The following SNTG1 variants were observed in gnomAD, a reference collection of about 807,000 sequenced individuals.
SNTG1 encodes the protein gamma-1-syntrophin.
In SNTG1, 39 loss-of-function variants were observed where a neutral mutation model predicts 74.7. That is an observed-to-expected ratio of 0.52 (90% CI 0.40 to 0.68). SNTG1 has a LOEUF of 0.68. SNTG1 is among the 30% of genes least tolerant of loss of function. The pLI is 0.00. For missense variants in SNTG1, 685 were observed against 609.5 expected (o/e 1.12, Z -1.30); for synonymous variants, 254 against 217.1 (o/e 1.17, Z -1.49).
intron 13 of SNTG1, among the ~76,000 whole-genome samples, chr8:50,656,187 G>C (rs2095179484): frequency 6.6e-6 from 1 of 152,116 alleles, no homozygotes; most frequent in Non-Finnish European, 1.5e-5. Flanking sequence ...TGAATATGTT[G>C]TTAGAAATGT....
intron 2 of SNTG1, among the ~76,000 whole-genome samples, chr8:50,262,887 A>G (rs2130130071): frequency 6.6e-6 from 1 of 152,364 alleles, no homozygotes; most frequent in East Asian, 1.9e-4. Flanking sequence ...TCTGGAGAAG[A>G]CAGAACTGTA....
chr8:50,356,421 A>G (rs1455152331), intron 2 of SNTG1, among the ~76,000 whole-genome samples: 1 of 152,188 alleles, frequency 6.6e-6, no homozygotes, highest in Non-Finnish European at 1.5e-5. Context: ...AATAAATGGC[A>G]GTGTTCTATT....
At chr8:50,168,014 A>T (rs2082686029) in intron 1 of SNTG1, among the ~76,000 whole-genome samples, 1 of 152,136 alleles carries the variant, frequency 6.6e-6, no homozygotes, top group South Asian at 2.1e-4. Flanking sequence ...ATTTTAACTT[A>T]TAATTTGATG....
chr8:50,333,434 A>G (rs947929049), intron 2 of SNTG1, among the ~76,000 whole-genome samples: 1 of 152,234 alleles, frequency 6.6e-6, no homozygotes, highest in African/African-American at 2.4e-5. Flanking sequence ...CTCATTTATT[A>G]GCCACAATTT....
chr8:50,369,069 A>T (rs993225840), intron 2 of SNTG1, among the ~76,000 whole-genome samples: 2 of 152,150 alleles, frequency 1.3e-5, no homozygotes, highest in African/African-American at 4.8e-5. Flanking sequence ...TAAGTTAAGA[A>T]TTTGGGGGCT....
At chr8:50,690,965 G>T (rs1388179327) in intron 15 of SNTG1, among the ~76,000 whole-genome samples, 1 of 152,146 alleles carries the variant, frequency 6.6e-6, no homozygotes, top group Non-Finnish European at 1.5e-5. Flanking sequence ...AGGATAGTTA[G>T]CTCTTCTTGT....
At chr8:50,208,177 C>T (rs1180073676) in intron 2 of SNTG1, among the ~76,000 whole-genome samples, 4 of 152,126 alleles carry the variant, frequency 2.6e-5, no homozygotes, top group Non-Finnish European at 5.9e-5. Flanking sequence ...GTTAAAGTCT[C>T]CCATTATTAT....
intron 18 of SNTG1, among the ~76,000 whole-genome samples, chr8:50,785,279 T>C (rs948518530): frequency 6.6e-6 from 1 of 151,198 alleles, no homozygotes; most frequent in Non-Finnish European, 1.5e-5. Flanking sequence ...TTAACAAGAG[T>C]GACAAAACTT....
chr8:50,736,881 C>A (rs190997829), intron 17 of SNTG1, among the ~76,000 whole-genome samples: 122 of 151,994 alleles, frequency 8.0e-4, no homozygotes, highest in Non-Finnish European at 6.2e-4. Flanking sequence ...AAAGACACAA[C>A]GTACCGGAAT....
chr8:50,587,781 G>C lies in SNTG1; in HGVS notation c.811-3098G>C, dbSNP rs1479364030. Among the ~76,000 whole-genome samples, 6 of 148,680 alleles carry C rather than the reference G, an allele frequency of 4.0e-5. No individual in the cohort carries two copies. The East Asian group carries it at 1.2e-3, about 30-fold the overall frequency. On this transcript the variant is annotated intron_variant, in intron 12 of 18. Transcript: ENST00000642720. ...CGGAGATTGCCAGCCTGGGGGACGAGAGTGAGACTTCGTCTCAAAAAAAAA... is the reference window on the plus strand; with the variant it reads ...CGGAGATTGCCAGCCTGGGGGACGACAGTGAGACTTCGTCTCAAAAAAAAA...
At chr8:50,734,815 A>C (rs1175062903) in intron 17 of SNTG1, among the ~76,000 whole-genome samples, 3 of 94,330 alleles carry the variant, frequency 3.2e-5, no homozygotes, top group Non-Finnish European at 6.2e-5. Flanking sequence ...ATAGATATCT[A>C]TATATATGGA....
At chr8:50,267,613 A>T (rs1339483425) in intron 2 of SNTG1, among the ~76,000 whole-genome samples, 2 of 152,180 alleles carry the variant, frequency 1.3e-5, no homozygotes, top group African/African-American at 4.8e-5. Flanking sequence ...TCCTCAAAAT[A>T]TCAAGTTCCC....
chr8:50,386,606 T>C (rs1254807150), intron 2 of SNTG1, among the ~76,000 whole-genome samples: 1 of 152,122 alleles, frequency 6.6e-6, no homozygotes, highest in Non-Finnish European at 1.5e-5. Flanking sequence ...TTCTGCAGGC[T>C]GTGCAAGAAG....
At position 50,125,556 on chromosome 8, in the gene SNTG1, C is replaced by A. The variant is rs530207583; in HGVS notation, c.-102-47005C>A. On this transcript the variant is annotated intron_variant, in intron 1 of 18. Coordinates refer to ENST00000642720, the MANE Select transcript of SNTG1 (RefSeq NM_018967.5). ...ATTAGAACATGATTTTTTTAATAAG[C>A]ACATAAAATGTAATTTTTATATACT... Among the ~76,000 whole-genome samples, 214 of 141,432 alleles carry A rather than the reference C, an allele frequency of 1.5e-3. 24 individuals are homozygous for A. Among genetic ancestry groups the A allele is most frequent in the African/African-American group, 5.0e-3 (196 of 39,236 alleles). 92.8% of individuals were successfully genotyped at this position (141,432 alleles called of 152,430 possible).
At chr8:50,058,030 G>A (rs989736575) in intron 1 of SNTG1, among the ~76,000 whole-genome samples, 1 of 152,102 alleles carries the variant, frequency 6.6e-6, no homozygotes, top group Non-Finnish European at 1.5e-5. Context: ...TTGATGGTAA[G>A]TCAAAAACTT....
intron 2 of SNTG1, among the ~76,000 whole-genome samples, chr8:50,235,539 A>G (rs554685549): frequency 6.6e-6 from 1 of 152,222 alleles, no homozygotes; most frequent in Non-Finnish European, 1.5e-5. Flanking sequence ...AAAAAAATGT[A>G]CAGTGATCTG....
At chr8:49,975,767 ATATG>A (rs1217325048) in intron 1 of SNTG1, among the ~76,000 whole-genome samples, 22 of 147,010 alleles carry the variant, frequency 1.5e-4, no homozygotes, top group East Asian at 6.1e-4. Flanking sequence ...ATATATATAT[ATATG>A]TGTGTGTGTG....
intron 18 of SNTG1, 72 bp from the exon 19 acceptor site, chr8:50,792,599 A>ACC: frequency 7.0e-7 from 1 of 1,433,680 alleles, no homozygotes; most frequent in Non-Finnish European, 9.4e-7. Flanking sequence ...AATTGAAAAA[A>ACC]AATCTAGCTA....
chr8:50,759,514 G>A (rs1245443831), intron 18 of SNTG1, among the ~76,000 whole-genome samples: 3 of 151,936 alleles, frequency 2.0e-5, no homozygotes, highest in East Asian at 3.9e-4. Flanking sequence ...TCCAGTTTCA[G>A]TTTTCTGCAT....
Sources: gnomAD v4.1 joint callset for allele counts (sites outside exome capture counted in the v4.1 genomes callset) on GRCh38, gnomAD v4.1.1 for gene constraint, MANE v1.5 for transcripts, NCBI Gene and HGNC (gene_info 2026-07-23, HGNC 2026-07-21) for gene names.